Variants in MEGF10 observed in about 807,000 individuals in gnomAD.
MEGF10 encodes the protein multiple EGF like domains 10, also known as multiple epidermal growth factor-like domains protein 10.
In MEGF10, 86 loss-of-function variants were observed where a neutral mutation model predicts 147.5. That is an observed-to-expected ratio of 0.58 (90% confidence interval 0.49 to 0.70). The LOEUF (loss-of-function observed/expected upper bound fraction) is 0.70. MEGF10 is among the 30% of genes least tolerant of loss of function. The probability of loss-of-function intolerance (pLI) is 0.00; values close to 1 mark genes in which losing one functional copy is unlikely to be tolerated. For missense variants in MEGF10, 1,329 were observed against 1,487.3 expected, an observed-to-expected ratio of 0.89 and a Z score of 1.75; for synonymous variants, 478 against 525.5, an observed-to-expected ratio of 0.91 and a Z score of 1.24.
chr5:127,445,590 G>A lies in MEGF10; in HGVS notation c.2625G>A (p.Leu875=), dbSNP rs774697347. Reference sequence around the variant, plus strand: ...TAGTTGTTCTCTTCCTACTGGCATTGTTCATTATTTATAGACACAAGCAGA... The same window carrying A: ...TAGTTGTTCTCTTCCTACTGGCATTATTCATTATTTATAGACACAAGCAGA... ...LVLVVLFLLA[L]FIIYRHKQKG... is the part of the protein sequence containing the mutation. Residue 875 remains leucine, a synonymous_variant, in exon 20 of 25, where the codon TTG becomes TTA. Transcript: ENST00000503335. The A allele has an allele frequency of 6.2e-7, 1 of 1,613,968 alleles. No homozygotes were observed. Among genetic ancestry groups the A allele is most frequent in the East Asian group, 2.2e-5 (1 of 44,864 alleles).
intron 5 of MEGF10, among the ~76,000 whole-genome samples, chr5:127,394,275 A>G (rs1008391992): frequency 6.6e-6 from 1 of 152,258 alleles, no homozygotes; most frequent in Non-Finnish European, 1.5e-5. Flanking sequence ...ATGAAATTGA[A>G]TAAACTTTTT....
chr5:127,414,257 A>G (rs17164963), intron 9 of MEGF10, among the ~76,000 whole-genome samples: 9,804 of 152,180 alleles, frequency 0.064, 1,077 homozygotes, highest in African/African-American at 0.22. Flanking sequence ...TTTGGTATAA[A>G]AGCAAACCTG....
chr5:127,281,088 G>A, the MEGF10 span, among the ~76,000 whole-genome samples: 1 of 152,154 alleles, frequency 6.6e-6, no homozygotes, highest in Non-Finnish European at 1.5e-5. Flanking sequence ...TTGACGGTGA[G>A]AACTCCAGCA....
intron 1 of MEGF10, among the ~76,000 whole-genome samples, chr5:127,322,111 A>G (rs1485373956): frequency 7.0e-6 from 1 of 142,052 alleles, no homozygotes; most frequent in Non-Finnish European, 1.5e-5. Flanking sequence ...GGTTAAAAGA[A>G]AAAAAAAAAG....
intron 20 of MEGF10, among the ~76,000 whole-genome samples, chr5:127,447,015 C>A (rs1765961381): frequency 6.6e-6 from 1 of 152,166 alleles, no homozygotes; most frequent in African/African-American, 2.4e-5. Context: ...TTGGTTCTTT[C>A]AGTTTCACAT....
chr5:127,334,457 C>T (rs532565373), intron 2 of MEGF10, among the ~76,000 whole-genome samples: 1 of 152,110 alleles, frequency 6.6e-6, no homozygotes. Flanking sequence ...AAGCACTAAA[C>T]AAAAATACTT....
intron 1 of MEGF10, among the ~76,000 whole-genome samples, chr5:127,322,489 T>A (rs140353197): frequency 6.6e-6 from 1 of 152,332 alleles, no homozygotes; most frequent in East Asian, 1.9e-4. Context: ...TCACTGGTTG[T>A]AAGTGCTTTC....
At chr5:127,420,495 T>C (rs1375992602) in intron 12 of MEGF10, among the ~76,000 whole-genome samples, 1 of 152,098 alleles carries the variant, frequency 6.6e-6, no homozygotes, top group Non-Finnish European at 1.5e-5. Context: ...TTCACCCATC[T>C]CTTGGTGGCA....
chr5:127,243,693 AC>A, the MEGF10 span, among the ~76,000 whole-genome samples: 2 of 152,146 alleles, frequency 1.3e-5, no homozygotes, highest in Admixed American at 6.5e-5. Flanking sequence ...ATCATCAGAA[AC>A]TTTTTACCTA....
At position 127,459,815 on chromosome 5, in the gene MEGF10, A is replaced by G. The variant is rs913074523; in HGVS notation, c.*2497A>G. ...TTTCAAACATCAGGACACACATAGC[A>G]ATTTGGATGTTGTAAAACTACGTGT... On this transcript the variant is annotated 3_prime_UTR_variant, in exon 25 of 25. Transcript: ENST00000503335. 6.6e-6 allele frequency: 1 copy of G among 152,216 alleles called. No homozygotes were observed. Among genetic ancestry groups the G allele is most frequent in the Non-Finnish European group, 1.5e-5 (1 of 68,034 alleles). The allele number at this position is 152,216 out of a possible 1,614,324, so 9.4% of individuals were successfully genotyped here.
rs371078929 is a variant in MEGF10 at position 127,402,681 on chromosome 5, C to T, written c.916C>T (p.Arg306Trp). 7.2e-5 allele frequency: 116 copies of T among 1,613,702 alleles called. No individual in the cohort carries two copies. Among genetic ancestry groups the T allele is most frequent in the Admixed American group, 1.7e-4 (10 of 59,976 alleles). The change falls in exon 8 of 25, where the codon CGG becomes TGG. Residue 306 changes from arginine (R) to tryptophan (W), a missense_variant and splice_region_variant. Coordinates refer to ENST00000503335, the MANE Select transcript of MEGF10 (RefSeq NM_001256545.2). ...CHCSPGYTGE[R>W]CQDECPVGTY... ...TTGCAGTCCAGGATACACAGGGGAA[C>T]GGTAAGGGATGCCCTTGTATTTCTC...
chr5:127,322,807 A>G (rs1760839448), intron 1 of MEGF10, among the ~76,000 whole-genome samples: 1 of 152,208 alleles, frequency 6.6e-6, no homozygotes, highest in Non-Finnish European at 1.5e-5. Flanking sequence ...GTATCATTGT[A>G]TGATAATTAT....
chr5:127,391,069 T>TATAC (rs1314285829), intron 5 of MEGF10, among the ~76,000 whole-genome samples: 2 of 150,296 alleles, frequency 1.3e-5, no homozygotes, highest in Admixed American at 1.3e-4. Context: ...TATGTGTATA[T>TATAC]ATACATACAT....
upstream of MEGF10, among the ~76,000 whole-genome samples, chr5:127,289,923 A>G (rs1759162652): frequency 6.6e-6 from 1 of 152,154 alleles, no homozygotes; most frequent in Admixed American, 6.5e-5. Context: ...ACTTTGCAGC[A>G]GTCAAATTTG....
At chr5:127,422,559 G>A (rs781093351) in intron 12 of MEGF10, 111 bp from the exon 13 acceptor site, 14 of 759,426 alleles carry the variant, frequency 1.8e-5, no homozygotes, top group East Asian at 2.6e-5. Context: ...TGTAAGAAGC[G>A]TTTGGGACAG....
At chr5:127,411,648 G>C (rs1483128547) in intron 9 of MEGF10, among the ~76,000 whole-genome samples, 1 of 152,126 alleles carries the variant, frequency 6.6e-6, no homozygotes, top group African/African-American at 2.4e-5. Flanking sequence ...AAGTAACTTT[G>C]TAAGCCATAT....
intron 20 of MEGF10, among the ~76,000 whole-genome samples, chr5:127,446,208 T>G (rs746516804): frequency 1.3e-5 from 2 of 152,202 alleles, no homozygotes; most frequent in Non-Finnish European, 2.9e-5. Context: ...AGAAAACTCT[T>G]GATTTTTTCT....
chr5:127,291,560 C>A (rs1759258299), intron 1 of MEGF10, among the ~76,000 whole-genome samples: 1 of 152,122 alleles, frequency 6.6e-6, no homozygotes, highest in African/African-American at 2.4e-5. Context: ...CGGGATGCTC[C>A]CCTTTCCTGA....
chr5:127,268,180 G>T, the MEGF10 span, among the ~76,000 whole-genome samples: 1 of 152,190 alleles, frequency 6.6e-6, no homozygotes, highest in Non-Finnish European at 1.5e-5. Context: ...TATGTACCCA[G>T]TAGTCATTCA....
Sources: gnomAD v4.1 joint callset for allele counts (sites outside exome capture counted in the v4.1 genomes callset) on GRCh38, gnomAD v4.1.1 for gene constraint, MANE v1.5 for transcripts, NCBI Gene and HGNC (gene_info 2026-07-23, HGNC 2026-07-21) for gene names.